ERG: variants seen among roughly 807,000 people sequenced by gnomAD.
ERG encodes transcriptional regulator ERG.
A neutral mutation model predicts 55.3 loss-of-function variants in ERG; 9 were observed. The observed-to-expected ratio is 0.16, with a 90% CI of 0.10 to 0.28. The LOEUF is 0.28. Among genes scored for constraint, ERG ranks in the 10% least tolerant of loss-of-function variants. ERG has a pLI of 1.00. For synonymous variants in ERG, 223 were observed against 237.3 expected (o/e 0.94, Z 0.55); for missense variants, 434 against 631.6 (o/e 0.69, Z 3.35).
chr21:38,438,660 G>C (rs2058813033), intron 2 of ERG, among the ~76,000 whole-genome samples: 1 of 152,214 alleles, frequency 6.6e-6, no homozygotes, highest in Non-Finnish European at 1.5e-5. Flanking sequence ...GGCCCAGCTG[G>C]GCAAAGCGCC....
the ERG span, among the ~76,000 whole-genome samples, chr21:38,371,099 T>C: frequency 6.6e-6 from 1 of 152,038 alleles, no homozygotes; most frequent in Non-Finnish European, 1.5e-5. Context: ...TAAATGAAGG[T>C]TTATTGTTTT....
intron 2 of ERG, among the ~76,000 whole-genome samples, chr21:38,430,299 G>C (rs1186500968): frequency 6.6e-6 from 1 of 151,954 alleles, no homozygotes; most frequent in Non-Finnish European, 1.5e-5. Context: ...TTGAGTTGTC[G>C]ATTCTGGATA....
chr21:38,431,579 A>G (rs1233282856), intron 2 of ERG, among the ~76,000 whole-genome samples: 3 of 152,222 alleles, frequency 2.0e-5, no homozygotes, highest in Non-Finnish European at 4.4e-5. Context: ...CCACTGAGTA[A>G]GCTTACTATT....
chr21:38,583,370 C>T (rs577946490), intron 1 of ERG, among the ~76,000 whole-genome samples: 16 of 152,312 alleles, frequency 1.1e-4, no homozygotes, highest in South Asian at 2.1e-4. Context: ...AGGGGAGCAC[C>T]GCCCGAAATC....
chr21:38,512,520 A>G (rs1380568777), intron 2 of ERG, among the ~76,000 whole-genome samples: 1 of 152,246 alleles, frequency 6.6e-6, no homozygotes, highest in Non-Finnish European at 1.5e-5. Flanking sequence ...TCTTTCAATC[A>G]GATATTGAAT....
intron 1 of ERG, among the ~76,000 whole-genome samples, chr21:38,491,373 G>A (rs578093915): frequency 1.3e-5 from 2 of 152,204 alleles, no homozygotes; most frequent in South Asian, 4.1e-4. Flanking sequence ...TCAATACTTG[G>A]TAAATTTAAA....
intron 1 of ERG, among the ~76,000 whole-genome samples, chr21:38,629,842 G>A (rs1235027371): frequency 6.6e-6 from 1 of 152,070 alleles, no homozygotes; most frequent in East Asian, 1.9e-4. Context: ...AACAAAATGT[G>A]GAAACAACCT....
At chr21:38,642,869 C>A (rs769366780) in intron 1 of ERG, among the ~76,000 whole-genome samples, 43 of 152,328 alleles carry the variant, frequency 2.8e-4, no homozygotes, top group Non-Finnish European at 5.3e-4. Context: ...AGCTGTTACT[C>A]CCCAGCTTGA....
intron 2 of ERG, among the ~76,000 whole-genome samples, chr21:38,565,632 G>A (rs1388268331): frequency 1.3e-5 from 2 of 152,086 alleles, no homozygotes; most frequent in African/African-American, 2.4e-5. Flanking sequence ...GTGATCATAC[G>A]GCTCATGCTC....
At chr21:38,419,642 G>A (rs1274140856) in intron 3 of ERG, among the ~76,000 whole-genome samples, 2 of 152,126 alleles carry the variant, frequency 1.3e-5, no homozygotes, top group Non-Finnish European at 2.9e-5. Flanking sequence ...TCTTTCATAT[G>A]TATCTATGTG....
chr21:38,391,882 G>A (rs1384278225), intron 7 of ERG, among the ~76,000 whole-genome samples, 167 bp from the exon 8 acceptor site: 1 of 151,456 alleles, frequency 6.6e-6, no homozygotes, highest in Non-Finnish European at 1.5e-5. Flanking sequence ...GAAATCAAAT[G>A]TAAACACTGT....
chr21:38,405,423 G>T (rs1273632366), intron 3 of ERG, among the ~76,000 whole-genome samples: 1 of 152,118 alleles, frequency 6.6e-6, no homozygotes, highest in Non-Finnish European at 1.5e-5. Context: ...AGTCCGCATT[G>T]GTCCAGGGCC....
chr21:38,516,797 C>T (rs2059555461), intron 2 of ERG, among the ~76,000 whole-genome samples: 1 of 151,884 alleles, frequency 6.6e-6, no homozygotes, highest in Admixed American at 6.6e-5. Context: ...AATTGATAAC[C>T]CAGAAATAAA....
chr21:38,598,756 G>A (rs893536879), intron 1 of ERG, among the ~76,000 whole-genome samples: 3 of 152,222 alleles, frequency 2.0e-5, no homozygotes, highest in African/African-American at 7.2e-5. Context: ...GCAGAGGGGA[G>A]CAGGGTGGAT....
intron 2 of ERG, among the ~76,000 whole-genome samples, chr21:38,507,507 G>A (rs886083696): frequency 3.3e-5 from 5 of 150,802 alleles, no homozygotes; most frequent in Non-Finnish European, 7.4e-5. Context: ...TGTCAGTGAT[G>A]GCCCTCAACA....
rs149966488 is a variant in ERG at position 38,603,205 on chromosome 21, C to T, written c.-149-18260G>A. On this transcript the variant is annotated intron_variant, in intron 1 of 10. Coordinates refer to the ERG transcript ENST00000398910. ...CTCTGCCACATGAAGAGACCCGAAA[C>T]GCAGCTTACATCCAGAGCAAGTCCT... 2.6e-3 allele frequency among the ~76,000 whole-genome samples: 388 copies of T among 152,098 alleles called. 4 individuals carry two copies. Among genetic ancestry groups the T allele is most frequent in the African/African-American group, 8.6e-3 (357 of 41,384 alleles).
chr21:38,398,531 T>A (rs2146444619), intron 6 of ERG, among the ~76,000 whole-genome samples: 1 of 152,252 alleles, frequency 6.6e-6, no homozygotes, highest in South Asian at 2.1e-4. Context: ...CTCTCCCAGG[T>A]CACGCTCAAA....
chr21:38,585,925 G>A (rs1031114124), upstream of ERG, among the ~76,000 whole-genome samples: 3 of 151,156 alleles, frequency 2.0e-5, no homozygotes, highest in African/African-American at 4.8e-5. Flanking sequence ...ACTAAACCAC[G>A]TACATAATAT....
chr21:38,394,550 C>T (rs1383044088), intron 6 of ERG, among the ~76,000 whole-genome samples: 1 of 152,104 alleles, frequency 6.6e-6, no homozygotes, highest in African/African-American at 2.4e-5. Context: ...GACAGGGTCT[C>T]ATGCTGTTAG....
Sources: gnomAD v4.1 joint callset for allele counts (sites outside exome capture counted in the v4.1 genomes callset) on GRCh38, gnomAD v4.1.1 for gene constraint, MANE v1.5 for transcripts, NCBI Gene and HGNC (gene_info 2026-07-23, HGNC 2026-07-21) for gene names.